Variants in DNAH17 observed in about 807,000 individuals in gnomAD.
DNAH17 encodes dynein axonemal heavy chain 17, also known as axonemal beta dynein heavy chain 17.
A neutral mutation model predicts 485.6 loss-of-function variants in DNAH17; 376 were observed. The observed-to-expected ratio is 0.77, with a 90% confidence interval of 0.71 to 0.84. The LOEUF is 0.84. Ranked by LOEUF, DNAH17 falls within the 40% of genes least tolerant of loss-of-function variation. DNAH17 has a pLI of 0.00. For synonymous variants in DNAH17, 3,031 were observed against 2,405.9 expected (o/e 1.26, Z -7.60); for missense variants, 6,370 against 5,839.3 (o/e 1.09, Z -2.96).
Position 78,454,627 on chromosome 17 carries a change from G to C in DNAH17, c.10249C>G (p.Gln3417Glu), listed in dbSNP as rs1425141527. The C allele has an allele frequency of 1.2e-6, 2 of 1,613,194 alleles. No individual in the cohort carries two copies. The highest frequency in any genetic ancestry group is 1.7e-6 in the Non-Finnish European group (2 of 1,179,896). Residue 3417 changes from glutamine (Q) to glutamate (E), a missense_variant, in exon 64 of 81, where the codon CAG (glutamine) becomes GAG (glutamate). By Grantham distance (29) the Gln-to-Glu change is conservative. Transcript: ENST00000389840. The stretch of plus-strand genomic sequence containing the variant: ...GACATGCGGTCGCTGGGGAGGCCCT[G>C]GTTGTTCCAGGTGGCCACGTCCGCG... ...DDADVATWNN[Q>E]GLPSDRMSTE...
chr17:78,455,098 C>A (rs767375799), intron 63 of DNAH17, among the ~76,000 whole-genome samples: 1 of 152,130 alleles, frequency 6.6e-6, no homozygotes, highest in African/African-American at 2.4e-5. Context: ...TTAGTAGAGA[C>A]GAGGTTTCAC....
In DNAH17 at chr17:78,424,171, C is replaced by A; in HGVS notation, c.13142-18G>T. The A allele has an allele frequency of 6.3e-7, 1 of 1,598,210 alleles. No homozygotes were observed. Among genetic ancestry groups the A allele is most frequent in the Non-Finnish European group, 8.5e-7 (1 of 1,172,526 alleles). ...GCGAGCCCCTGCAGGGACAGTATGG[C>A]TGAGGGTCAGGTGTGCTGCCAGTAA... On this transcript the variant is annotated intron_variant, in intron 80 of 80. Coordinates refer to ENST00000389840, the MANE Select transcript of DNAH17 (RefSeq NM_173628.4).
At chr17:78,424,176 G>A in intron 80 of DNAH17, 23 bp from the exon 81 acceptor site, 1 of 1,591,704 alleles carries the variant, frequency 6.3e-7, no homozygotes, top group Non-Finnish European at 8.6e-7. Flanking sequence ...TATGGCTGAG[G>A]GTCAGGTGTG....
chr17:78,478,466 GCCATCATCACCACCATCACTATCA>G (rs2089193001), intron 51 of DNAH17, among the ~76,000 whole-genome samples: 1 of 126,052 alleles, frequency 7.9e-6, no homozygotes, highest in Non-Finnish European at 1.6e-5. Flanking sequence ...CATCACTATT[GCCATCATCACCACCATCACTATCA>G]CCATCATTAT....
In DNAH17 at chr17:78,460,201, G is replaced by A; in HGVS notation, c.9396C>T (p.Ala3132=). Residue 3132 remains alanine (A), a synonymous_variant, in exon 59 of 81, where the codon GCC becomes GCT. Transcript: ENST00000389840. The part of the protein sequence containing the change: ...CETDLAKAEP[A]LLAAQEALDT... ...CCAGAGCCTCCTGGGCTGCCAGCAGGGCCGGTTCTGCTTTGGCCAGGTCTG... is the reference window on the plus strand; with the variant it reads ...CCAGAGCCTCCTGGGCTGCCAGCAGAGCCGGTTCTGCTTTGGCCAGGTCTG... 1 of 1,609,326 alleles carries A rather than the reference G, an allele frequency of 6.2e-7. No homozygotes were observed.
At chr17:78,559,898 C>T (rs544881592) in intron 13 of DNAH17, among the ~76,000 whole-genome samples, 7 of 152,258 alleles carry the variant, frequency 4.6e-5, no homozygotes, top group African/African-American at 1.4e-4. Context: ...ACCCGCATGC[C>T]GTGCTGCAAA....
rs371010880 is a variant in DNAH17 at position 78,479,599 on chromosome 17, C to T, written c.7786G>A (p.Gly2596Ser). 4.2e-5 allele frequency: 68 copies of T among 1,613,314 alleles called. No individual in the cohort carries two copies. In the East Asian group the frequency reaches 4.2e-4, roughly 10 times the overall value. The change falls in exon 50 of 81, where the codon GGC (glycine) becomes AGC (serine). Residue 2596 changes from glycine to serine, a missense_variant. Transcript: ENST00000389840. ...HFCVFAVSFP[G>S]QEALTTIYNT... The stretch of plus-strand genomic sequence containing the variant: ...TAGATGGTGGTGAGGGCCTCCTGGC[C>T]GGGGAAGCTCACAGCAAACACGCAG...
At chr17:78,477,850 T>C (rs759795605) in intron 51 of DNAH17, among the ~76,000 whole-genome samples, 6 of 152,102 alleles carry the variant, frequency 3.9e-5, no homozygotes, top group Non-Finnish European at 8.8e-5. Context: ...AGTCAGTAAA[T>C]GAGAGGAAAT....
Position 78,495,052 on chromosome 17 carries a change from G to T in DNAH17, c.5949C>A (p.Ile1983=), listed in dbSNP as rs749091045. The T allele has an allele frequency of 7.4e-6, 12 of 1,611,454 alleles. No homozygotes were observed. The highest frequency in any genetic ancestry group is 1.0e-5 in the Non-Finnish European group (12 of 1,178,886). Residue 1983 remains isoleucine (I), a synonymous_variant, in exon 39 of 81, where the codon ATC becomes ATA. Transcript: ENST00000389840. The part of the protein sequence containing the change: ...VVPDFELICE[I]MLMAEGFLEA... ...CCAGAAAGCCCTCGGCCATGAGCAT[G>T]ATCTCACATATCAGTTCGAAGTCGG... is the stretch of plus-strand genomic sequence containing the variant.
intron 27 of DNAH17, among the ~76,000 whole-genome samples, chr17:78,508,347 T>C (rs2120659): frequency 0.62 from 94,599 of 151,942 alleles, 30,159 homozygotes; most frequent in African/African-American, 0.73. Context: ...GAATCCTGTC[T>C]GCTCAGACCC....
At chr17:78,461,002 G>A (rs1268017008) in intron 58 of DNAH17, among the ~76,000 whole-genome samples, 1 of 152,148 alleles carries the variant, frequency 6.6e-6, no homozygotes, top group Non-Finnish European at 1.5e-5. Context: ...CTCCAATGAT[G>A]CTGTAACCTT....
chr17:78,472,013 G>A (rs117790891), intron 54 of DNAH17, among the ~76,000 whole-genome samples: 1,946 of 152,288 alleles, frequency 0.013, 26 homozygotes, highest in Non-Finnish European at 0.018. Flanking sequence ...ACTGAAGCTG[G>A]ATCTGCCTGC....
At position 78,463,518 on chromosome 17, in the gene DNAH17, A is replaced by G. The variant is rs187984412; in HGVS notation, c.8941-441T>C. 2.9e-3 allele frequency among the ~76,000 whole-genome samples: 448 copies of G among 152,298 alleles called. 1 individual carries two copies. The highest frequency in any genetic ancestry group is 4.1e-3 in the Non-Finnish European group (276 of 68,024). On this transcript the variant is annotated intron_variant, in intron 56 of 80. Transcript: ENST00000389840. Reference sequence around the variant, plus strand: ...TATACACGTGCATATGCATTCACATACCTGCATATGTACACGTGCACATGC... The same window carrying G: ...TATACACGTGCATATGCATTCACATGCCTGCATATGTACACGTGCACATGC...
intron 76 of DNAH17, 112 bp from the exon 77 acceptor site, chr17:78,428,819 C>T: frequency 7.6e-7 from 1 of 1,315,120 alleles, no homozygotes; most frequent in Non-Finnish European, 1.1e-6. Context: ...GCTGTCTGTA[C>T]AGATCCCACT....
At chr17:78,570,096 C>T (rs2092329814) in intron 7 of DNAH17, 151 bp downstream of exon 7, 1 of 865,734 alleles carries the variant, frequency 1.2e-6, no homozygotes, top group Non-Finnish European at 1.7e-6. Flanking sequence ...GAAGAGGGCT[C>T]CATCTCAGCT....
chr17:78,575,555 G>T (rs192333025), intron 1 of DNAH17, among the ~76,000 whole-genome samples: 2 of 152,270 alleles, frequency 1.3e-5, no homozygotes, highest in East Asian at 3.9e-4. Flanking sequence ...CGTGCAGGCC[G>T]TGAGGCTCAG....
chr17:78,571,827 C>T (rs1316307037), intron 3 of DNAH17, 45 bp from the exon 4 acceptor site: 8 of 1,524,438 alleles, frequency 5.2e-6, no homozygotes, highest in Middle Eastern at 1.8e-4. Flanking sequence ...GCGACACACA[C>T]GTGGGTCCCA....
Position 78,439,174 on chromosome 17 carries a change from A to ATTATGGAG in DNAH17, c.11713_11720dup (p.Val3908SerfsTer260). On this transcript the variant is annotated frameshift_variant, in exon 73 of 81. Transcript: ENST00000389840. LOFTEE classifies it high-confidence loss of function. ...CCTCTTGTCCCTGCCCCAGGGACAC[A>ATTATGGAG]TTATGGAGTTTTCCATTGTCTATGG... 1 of 1,613,570 alleles carries ATTATGGAG rather than the reference A, an allele frequency of 6.2e-7. No individual in the cohort carries two copies. Among genetic ancestry groups the ATTATGGAG allele is most frequent in the Non-Finnish European group, 8.5e-7 (1 of 1,179,826 alleles).
intron 16 of DNAH17, among the ~76,000 whole-genome samples, chr17:78,545,805 G>A (rs2091745026): frequency 6.6e-6 from 1 of 152,034 alleles, no homozygotes; most frequent in Non-Finnish European, 1.5e-5. Flanking sequence ...TTCTCATTGG[G>A]AACACAACAT....
Sources: allele counts gnomAD v4.1 joint callset (sites outside exome capture counted in the v4.1 genomes callset), GRCh38; gene constraint gnomAD v4.1.1; transcripts MANE v1.5; gene names NCBI Gene and HGNC (gene_info 2026-07-23, HGNC 2026-07-21).